SCLT1: variants seen among roughly 807,000 people sequenced by gnomAD.
SCLT1 encodes sodium channel-associated protein 1.
SCLT1 carries 78 observed loss-of-function variants against 112.8 expected under a neutral mutation model. The ratio of observed to expected loss-of-function variants is 0.69; its 90% CI spans 0.58 to 0.83. The LOEUF (loss-of-function observed/expected upper bound fraction) is 0.83, where lower values mean the gene tolerates loss of function less well. Ranked by LOEUF, SCLT1 falls within the 40% of genes least tolerant of loss-of-function variation. The pLI, the probability that SCLT1 is intolerant of heterozygous loss-of-function variation, is 0.00. For missense variants in SCLT1, 747 were observed against 770.4 expected (o/e 0.97, Z 0.36); for synonymous variants, 257 against 254.7 (o/e 1.01, Z -0.09).
chr4:128,934,520 T>C (rs562231073), intron 18 of SCLT1, among the ~76,000 whole-genome samples: 1 of 152,016 alleles, frequency 6.6e-6, no homozygotes, highest in African/African-American at 2.4e-5. Flanking sequence ...ACTTAGACTT[T>C]CTTTAATTAC....
intron 5 of SCLT1, among the ~76,000 whole-genome samples, chr4:129,023,309 A>G (rs1745666943): frequency 6.6e-6 from 1 of 152,214 alleles, no homozygotes; most frequent in Non-Finnish European, 1.5e-5. Context: ...TTAACCTTAA[A>G]TGTAAATGGG....
rs112358448 is a variant in SCLT1 at position 128,946,073 on chromosome 4, C to T, written c.1373G>A (p.Arg458His). Residue 458 changes from arginine to histidine, a missense_variant, in exon 16 of 21, where the codon CGT becomes CAT. By Grantham distance (29) the Arg-to-His change is conservative (BLOSUM62 0). This residue lies in a region of SCLT1 where 723 missense variants were observed against 721.3 expected (regional missense o/e 1.00). Transcript: ENST00000281142. ...EMHQRFLVSE[R>H]SKDDLQLRLT... Reference sequence around the variant, plus strand: ...TCTTAGCTGAAGATCATCTTTTGAACGCTCTGAAACCAGGAATCTTTGGTG... The same window carrying T: ...TCTTAGCTGAAGATCATCTTTTGAATGCTCTGAAACCAGGAATCTTTGGTG... The T allele has an allele frequency of 1.9e-3, 3,024 of 1,609,018 alleles. 14 individuals are homozygous for T. Among genetic ancestry groups the T allele is most frequent in the African/African-American group, 0.016 (1,210 of 74,880 alleles).
At chr4:128,882,427 GT>G (rs951432963), downstream of SCLT1, among the ~76,000 whole-genome samples, 1 of 152,144 alleles carries the variant, frequency 6.6e-6, no homozygotes, top group African/African-American at 2.4e-5. Flanking sequence ...TTCCTTGAGT[GT>G]TTTATCATGT....
chr4:128,982,927 T>G (rs765965475), intron 9 of SCLT1, among the ~76,000 whole-genome samples: 1 of 152,188 alleles, frequency 6.6e-6, no homozygotes, highest in Non-Finnish European at 1.5e-5. Flanking sequence ...TCACTCTTGT[T>G]GCCCAGGCTG....
At chr4:128,899,296 T>A (rs1462197198) in intron 18 of SCLT1, among the ~76,000 whole-genome samples, 1 of 152,208 alleles carries the variant, frequency 6.6e-6, no homozygotes, top group Non-Finnish European at 1.5e-5. Context: ...GCAAACCGAA[T>A]CCAGCAGCAC....
intron 9 of SCLT1, among the ~76,000 whole-genome samples, chr4:128,980,799 G>A (rs1329041334): frequency 1.3e-5 from 2 of 151,930 alleles, no homozygotes; most frequent in Admixed American, 6.6e-5. Flanking sequence ...TTTTCCAGGT[G>A]TGTTGTTTTG....
At chr4:128,917,083 ACTTGTT>A (rs1735536428) in intron 18 of SCLT1, among the ~76,000 whole-genome samples, 6 of 152,096 alleles carry the variant, frequency 3.9e-5, no homozygotes, top group Middle Eastern at 3.2e-3. Context: ...CCAATCTAAA[ACTTGTT>A]CACCATGGCG....
At chr4:128,925,868 T>A (rs1239894781) in intron 18 of SCLT1, among the ~76,000 whole-genome samples, 1 of 152,006 alleles carries the variant, frequency 6.6e-6, no homozygotes, top group East Asian at 1.9e-4. Flanking sequence ...GTTTTAAAAT[T>A]CTCTAATATT....
chr4:128,888,328 T>C (rs2125921330), intron 20 of SCLT1, among the ~76,000 whole-genome samples: 1 of 152,108 alleles, frequency 6.6e-6, no homozygotes, highest in Admixed American at 6.5e-5. Context: ...GCCATCCTCC[T>C]GCCTCAGCCT....
intron 2 of SCLT1, 126 bp from the exon 3 acceptor site, chr4:129,044,177 A>G (rs953096643): frequency 1.7e-5 from 9 of 518,816 alleles, no homozygotes; most frequent in Non-Finnish European, 2.8e-5. Context: ...ATTCAAAATG[A>G]GAGAAAAAAA....
rs918555179 is a variant in SCLT1, at chr4:129,020,049, C to T, written c.291-16173G>A. Among the ~76,000 whole-genome samples, 11 of 152,240 alleles carry T rather than the reference C, an allele frequency of 7.2e-5. No individual in the cohort carries two copies. In the South Asian group the frequency reaches 1.0e-3, roughly 14 times the overall value. Reference sequence around the variant, plus strand: ...AATTTTATATCATCTGGTCCCTACCCGCCATGTGGGTCTCATCCTGCATAA... The same window carrying T: ...AATTTTATATCATCTGGTCCCTACCTGCCATGTGGGTCTCATCCTGCATAA... On this transcript the variant is annotated intron_variant, in intron 5 of 20. Coordinates refer to ENST00000281142, the MANE Select transcript of SCLT1 (RefSeq NM_144643.4).
At position 129,070,322 on chromosome 4, in the gene SCLT1, A is replaced by G. The variant is rs191125841; in HGVS notation, c.102+11984T>C. On this transcript the variant is annotated intron_variant, in intron 2 of 20. Coordinates refer to ENST00000281142, the MANE Select transcript of SCLT1 (RefSeq NM_144643.4). ...TTCTCTATCTTGGGGAATAGTATCA[A>G]AAGTATTGGCACCAATTCTTCTTTG... Among the ~76,000 whole-genome samples, 40 of 152,168 alleles carry G rather than the reference A, an allele frequency of 2.6e-4. No individual in the cohort carries two copies. The East Asian group carries it at 6.4e-3, about 24-fold the overall frequency.
At chr4:128,902,206 A>C (rs1162190837) in intron 18 of SCLT1, among the ~76,000 whole-genome samples, 1 of 152,140 alleles carries the variant, frequency 6.6e-6, no homozygotes, top group African/African-American at 2.4e-5. Flanking sequence ...TACCCAGGAG[A>C]AACTTTTAAA....
intron 5 of SCLT1, among the ~76,000 whole-genome samples, chr4:129,012,995 A>G (rs1744673447): frequency 6.6e-6 from 1 of 151,462 alleles, no homozygotes; most frequent in African/African-American, 2.4e-5. Context: ...TTTGCTTTTT[A>G]ACTTTTATTT....
At chr4:128,876,506 C>A (rs1461651091) in intron 4 of SCLT1, 1 of 152,218 alleles carries the variant, frequency 6.6e-6, no homozygotes, top group Non-Finnish European at 1.5e-5. Flanking sequence ...ACAGTTTCTA[C>A]CTTTGAAGCA....
At chr4:129,083,469 G>T (rs1342101652) in intron 1 of SCLT1, among the ~76,000 whole-genome samples, 1 of 134,322 alleles carries the variant, frequency 7.4e-6, no homozygotes, top group African/African-American at 2.7e-5. Context: ...AAAAAAAAAA[G>T]GAAAATCCTC....
chr4:129,042,247 ATACTTC>A (rs1445962648), intron 4 of SCLT1, among the ~76,000 whole-genome samples: 1 of 152,202 alleles, frequency 6.6e-6, no homozygotes, highest in Non-Finnish European at 1.5e-5. Context: ...TATTTAAGAA[ATACTTC>A]TATTATATGG....
intron 8 of SCLT1, among the ~76,000 whole-genome samples, chr4:128,996,193 G>A (rs564288447): frequency 6.6e-6 from 1 of 152,070 alleles, no homozygotes; most frequent in East Asian, 1.9e-4. Flanking sequence ...TGGTGAGTCT[G>A]GTTTTCCAAT....
chr4:129,079,922 T>C (rs1267114381), intron 2 of SCLT1, among the ~76,000 whole-genome samples: 1 of 152,242 alleles, frequency 6.6e-6, no homozygotes, highest in Non-Finnish European at 1.5e-5. Flanking sequence ...ACAGGCTTAA[T>C]ACCATGTGGA....
Sources: gnomAD v4.1 joint callset for allele counts (sites outside exome capture counted in the v4.1 genomes callset) on GRCh38, gnomAD v4.1.1 for gene constraint, gnomAD v4.1.1 regional missense constraint, MANE v1.5 for transcripts, NCBI Gene and HGNC (gene_info 2026-07-23, HGNC 2026-07-21) for gene names.